SNED1: variants seen among roughly 807,000 people sequenced by gnomAD.
The protein encoded by SNED1 is sushi, nidogen and EGF like domains 1.
SNED1 carries 81 observed loss-of-function variants against 166.7 expected under a neutral mutation model. The ratio of observed to expected loss-of-function variants is 0.49; its 90% confidence interval spans 0.41 to 0.58. SNED1 has a LOEUF of 0.58. SNED1 is among the 20% of genes least tolerant of loss of function. The probability of loss-of-function intolerance (pLI) is 0.00; values close to 1 mark genes in which losing one functional copy is unlikely to be tolerated. For missense variants in SNED1, 1,604 were observed against 2,000.2 expected (o/e 0.80, Z 3.78); for synonymous variants, 762 against 822.0 (o/e 0.93, Z 1.25).
chr2:241,071,546 A>C (rs1575059638), intron 24 of SNED1, 30 bp from the exon 25 acceptor site: 8 of 1,566,292 alleles, frequency 5.1e-6, no homozygotes, highest in Non-Finnish European at 6.9e-6. Flanking sequence ...GCAGCCCCAG[A>C]CCAGCCCCTT....
chr2:241,031,536 G>GC (rs1318294372), intron 2 of SNED1, among the ~76,000 whole-genome samples: 1 of 152,228 alleles, frequency 6.6e-6, no homozygotes, highest in Non-Finnish European at 1.5e-5. Context: ...GGTCACTCTA[G>GC]CAAGGCATCA....
chr2:240,998,891 G>C lies in SNED1; in HGVS notation c.54G>C (p.Gly18=). 1 of 1,225,680 alleles carries C rather than the reference G, an allele frequency of 8.2e-7. No homozygotes were observed. The allele number at this position is 1,225,680 out of a possible 1,614,324, so 75.9% of individuals were successfully genotyped here. Residue 18 remains glycine, a synonymous_variant, in exon 1 of 32, where the codon GGG becomes GGC. Transcript: ENST00000310397. The part of the protein sequence containing the change: ...ALLVAAALGL[G]ARGVRGAVAL... Reference sequence around the variant, plus strand: ...TGGTGGCCGCGGCCCTGGGGCTTGGGGCGCGCGGGGTGCGCGGCGCGGTGG... The same window carrying C: ...TGGTGGCCGCGGCCCTGGGGCTTGGCGCGCGCGGGGTGCGCGGCGCGGTGG...
Position 241,071,713 on chromosome 2 carries a change from C to T in SNED1, c.3727C>T (p.Pro1243Ser), listed in dbSNP as rs1481908241. ...DHSAPETPTQ[P>S]PRFSELVDGR... ...CAGCGCCCCCGAGACCCCCACCCAG[C>T]CCCCCAGGTACATGCCCCACCCATC... The change falls in exon 25 of 32, where the codon CCC becomes TCC. Residue 1243 changes from proline to serine, a missense_variant. Around this residue, in one of 2 missense-constraint regions of SNED1, gnomAD observed 367 missense variants for 379.4 expected, o/e 0.97. Transcript: ENST00000310397. 1.1e-5 allele frequency: 16 copies of T among 1,493,844 alleles called. No homozygotes were observed. The highest frequency in any genetic ancestry group is 2.2e-4 in the Middle Eastern group (1 of 4,540). 92.5% of individuals were successfully genotyped at this position (1,493,844 alleles called of 1,614,324 possible). A position where few individuals can be genotyped will look rare whatever the true frequency, so the allele number is the denominator to read the frequency against.
intron 24 of SNED1, 137 bp downstream of exon 24, chr2:241,070,338 G>A: frequency 1.0e-6 from 1 of 958,424 alleles, no homozygotes; most frequent in Non-Finnish European, 1.5e-6. Flanking sequence ...AGCAGGGGAG[G>A]AGTCTGTGTA....
Position 241,080,936 on chromosome 2 carries a change from G to A in SNED1, c.3917-741G>A, listed in dbSNP as rs142549014. ...AGCTGGTGAGGGCAGGAGCGACAGG[G>A]ACAGACACAGGTCTGTGAGAGGACA... On this transcript the variant is annotated intron_variant, in intron 27 of 31. Coordinates refer to ENST00000310397, the MANE Select transcript of SNED1 (RefSeq NM_001080437.3). 1.7e-3 allele frequency among the ~76,000 whole-genome samples: 257 copies of A among 152,350 alleles called. 10 individuals are homozygous for A. The East Asian group carries it at 0.045, about 27-fold the overall frequency.
chr2:241,004,938 G>T (rs911902951), intron 1 of SNED1, among the ~76,000 whole-genome samples: 2 of 152,158 alleles, frequency 1.3e-5, no homozygotes, highest in African/African-American at 4.8e-5. Flanking sequence ...GGCCAGGCTG[G>T]TCTTGAACTC....
At chr2:241,042,446 C>T (rs1213456250) in intron 8 of SNED1, among the ~76,000 whole-genome samples, 1 of 152,170 alleles carries the variant, frequency 6.6e-6, no homozygotes, top group Admixed American at 6.5e-5. Flanking sequence ...TACTCCTCAA[C>T]AGGAGTATAT....
intron 15 of SNED1, 98 bp downstream of exon 15, chr2:241,052,566 C>T: frequency 1.0e-6 from 1 of 963,540 alleles, no homozygotes; most frequent in Non-Finnish European, 1.6e-6. Context: ...ATACCAGTGC[C>T]AGGCAGGTGA....
intron 31 of SNED1, 29 bp downstream of exon 31, chr2:241,088,431 C>A (rs913462110): frequency 8.2e-6 from 13 of 1,589,966 alleles, no homozygotes; most frequent in Non-Finnish European, 1.1e-5. Context: ...CGCCCCACTA[C>A]CACAGAGCTG....
At chr2:241,033,706 G>C (rs1390920691) in intron 2 of SNED1, 29 bp from the exon 3 acceptor site, 1 of 1,601,304 alleles carries the variant, frequency 6.2e-7, no homozygotes, top group East Asian at 2.2e-5. Flanking sequence ...GGGAGTGCAG[G>C]GCCCTGTTCA....
chr2:241,038,994 G>A (rs2061448796), intron 6 of SNED1, among the ~76,000 whole-genome samples: 1 of 152,218 alleles, frequency 6.6e-6, no homozygotes, highest in Admixed American at 6.5e-5. Flanking sequence ...CCAGGAGGCT[G>A]GTTCAGGTCT....
At position 241,081,797 on chromosome 2, in the gene SNED1, A is replaced by C. The variant is rs2063340543; in HGVS notation, c.4033+4A>C. The C allele has an allele frequency of 6.4e-7, 1 of 1,571,722 alleles. No homozygotes were observed. The highest frequency in any genetic ancestry group is 1.2e-5 in the South Asian group (1 of 85,788). Reference sequence around the variant, plus strand: ...AAAGGCAGACGCTGCGAGCTCGGTAAGTCGGGGCTTGGCCTCAGGGCGCCC... The same window carrying C: ...AAAGGCAGACGCTGCGAGCTCGGTACGTCGGGGCTTGGCCTCAGGGCGCCC... On this transcript the variant is annotated splice_donor_region_variant and intron_variant, in intron 28 of 31. Transcript: ENST00000310397.
Position 241,040,128 on chromosome 2 carries a change from G to A in SNED1, c.1099G>A (p.Glu367Lys). The change falls in exon 7 of 32, where the codon GAG becomes AAG. Residue 367 changes from glutamate to lysine, a missense_variant. Physicochemically the swap from Glu to Lys is moderately conservative, Grantham distance 56. Around this residue, in one of 2 missense-constraint regions of SNED1, gnomAD observed 1,237 missense variants for 1,620.8 expected, o/e 0.76. Transcript: ENST00000310397. ...ECQHGGQCQV[E>K]NGSAVCVCQA... The stretch of plus-strand genomic sequence containing the variant: ...TCAACATGGTGGCCAGTGCCAGGTG[G>A]AGAATGGCTCTGCGGTGTGTGTGTG... 6.2e-7 allele frequency: 1 copy of A among 1,603,482 alleles called. No individual in the cohort carries two copies. Among genetic ancestry groups the A allele is most frequent in the Non-Finnish European group, 8.5e-7 (1 of 1,175,140 alleles).
chr2:241,079,069 G>A lies in SNED1; in HGVS notation c.3917-2608G>A, dbSNP rs185686301. On this transcript the variant is annotated intron_variant, in intron 27 of 31. Transcript: ENST00000310397. ...GCGGAGGCTGCAGCGAGCCGAGATC[G>A]CACCATTGCACTCCAGCCTGGGTGA... 9.3e-4 allele frequency among the ~76,000 whole-genome samples: 129 copies of A among 138,530 alleles called. 5 individuals are homozygous for A. In the East Asian group the frequency reaches 0.021, roughly 22 times the overall value. The allele number at this position is 138,530 out of a possible 152,430, so 90.9% of individuals were successfully genotyped here.
In SNED1 at chr2:241,069,610, C is replaced by T. The variant is rs532727316; in HGVS notation, c.3308-310C>T. ...GCAGGGGAGTCTGCACAGGGCTCCACGCAGCCAGGCTCAGGGGAACCGACT... is the reference window on the plus strand; with the variant it reads ...GCAGGGGAGTCTGCACAGGGCTCCATGCAGCCAGGCTCAGGGGAACCGACT... On this transcript the variant is annotated intron_variant, in intron 23 of 31. Transcript: ENST00000310397. This position sits in a 1 kb window ranked among gnomAD's most constrained non-coding sequence, Gnocchi z 4.9. 6.6e-5 allele frequency among the ~76,000 whole-genome samples: 10 copies of T among 152,302 alleles called. No homozygotes were observed. Among genetic ancestry groups the T allele is most frequent in the East Asian group, 1.9e-4 (1 of 5,178 alleles).
At chr2:241,036,636 G>T (rs2061379628) in intron 4 of SNED1, among the ~76,000 whole-genome samples, 154 bp from the exon 5 acceptor site, 1 of 151,762 alleles carries the variant, frequency 6.6e-6, no homozygotes, top group Non-Finnish European at 1.5e-5. Flanking sequence ...GACCTAAAGT[G>T]AAACCTGAAA....
intron 6 of SNED1, 40 bp downstream of exon 6, chr2:241,037,393 G>C: frequency 7.3e-7 from 1 of 1,369,780 alleles, no homozygotes; most frequent in Non-Finnish European, 1.0e-6. Context: ...CCCTGCTGGG[G>C]GCAGGATAGC....
intron 31 of SNED1, among the ~76,000 whole-genome samples, chr2:241,090,772 C>T (rs77293030): frequency 0.032 from 4,881 of 151,094 alleles, 260 homozygotes; most frequent in African/African-American, 0.11. Flanking sequence ...GAGGCTGAGT[C>T]AGGAAAATCA....
intron 1 of SNED1, among the ~76,000 whole-genome samples, chr2:241,019,595 C>T (rs1291490289): frequency 6.6e-6 from 1 of 152,228 alleles, no homozygotes; most frequent in Admixed American, 6.5e-5. Flanking sequence ...CACGCCAGCT[C>T]ACACAGGCGG....
Sources: gnomAD v4.1 joint callset for allele counts (sites outside exome capture counted in the v4.1 genomes callset) on GRCh38, gnomAD v4.1.1 for gene constraint, gnomAD v4.1.1 regional missense constraint, Gnocchi (gnomAD v3.1) non-coding constraint, MANE v1.5 for transcripts, NCBI Gene and HGNC (gene_info 2026-07-23, HGNC 2026-07-21) for gene names.